Variants in PDE6C observed in about 807,000 individuals in gnomAD.
The protein encoded by PDE6C is phosphodiesterase 6C.
PDE6C carries 75 observed loss-of-function variants against 113.1 expected under a neutral mutation model. The observed-to-expected ratio is 0.66, with a 90% CI of 0.55 to 0.80. PDE6C has a LOEUF of 0.80. Among genes scored for constraint, PDE6C ranks in the 30% least tolerant of loss-of-function variants. The probability of loss-of-function intolerance (pLI) is 0.00; values close to 1 mark genes in which losing one functional copy is unlikely to be tolerated. For synonymous variants in PDE6C, 375 were observed against 363.7 expected (o/e 1.03, Z -0.35); for missense variants, 912 against 1,038.6 (o/e 0.88, Z 1.67).
rs2058671984 is a variant in PDE6C, at chr10:93,662,774, T to C, written c.2367+131T>C. On this transcript the variant is annotated intron_variant, in intron 20 of 21. Coordinates refer to ENST00000371447, the MANE Select transcript of PDE6C (RefSeq NM_006204.4). ...GGTATCACTGTTTCTCCAAAGCAGT[T>C]TGAGGTTTTACCCTAATCTCATTCA... 4.4e-6 allele frequency: 3 copies of C among 687,268 alleles called. No homozygotes were observed. In the Admixed American group the frequency reaches 6.8e-5, roughly 16 times the overall value. 42.6% of individuals were successfully genotyped at this position (687,268 alleles called of 1,614,324 possible).
intron 15 of PDE6C, among the ~76,000 whole-genome samples, chr10:93,654,396 T>C (rs1463731125): frequency 6.6e-6 from 1 of 152,214 alleles, no homozygotes; most frequent in East Asian, 1.9e-4. Context: ...TCTGCCACAT[T>C]CTAGCTGTTT....
At chr10:93,628,891 G>GA (rs1445843497) in intron 7 of PDE6C, among the ~76,000 whole-genome samples, 1 of 152,056 alleles carries the variant, frequency 6.6e-6, no homozygotes, top group African/African-American at 2.4e-5. Flanking sequence ...AGAAGAAGAA[G>GA]AAAAAAAGCA....
intron 8 of PDE6C, among the ~76,000 whole-genome samples, chr10:93,633,821 A>C (rs1345414416): frequency 6.6e-6 from 1 of 152,228 alleles, no homozygotes; most frequent in Non-Finnish European, 1.5e-5. Flanking sequence ...GTGTAAAGGG[A>C]ACAGTGAGGT....
At position 93,640,124 on chromosome 10, in the gene PDE6C, G is replaced by C; in HGVS notation, c.1537G>C (p.Asp513His). ...AGAACTGTACGAATTCCGCTTCAGT[G>C]ACTTCCCCCTTACAGAGCACGGATT... ...SAELYEFRFS[D>H]FPLTEHGLIK... Residue 513 changes from aspartate (D) to histidine (H), a missense_variant, in exon 12 of 22, where the codon GAC (aspartate) becomes CAC (histidine). By Grantham distance (81) the Asp-to-His change is moderately conservative. Coordinates refer to ENST00000371447, the MANE Select transcript of PDE6C (RefSeq NM_006204.4). The C allele has an allele frequency of 6.2e-7, 1 of 1,613,956 alleles. No individual in the cohort carries two copies. Among genetic ancestry groups the C allele is most frequent in the South Asian group, 1.1e-5 (1 of 91,080 alleles).
At chr10:93,641,740 G>C (rs1024269326) in intron 14 of PDE6C, among the ~76,000 whole-genome samples, 1 of 152,170 alleles carries the variant, frequency 6.6e-6, no homozygotes, top group Non-Finnish European at 1.5e-5. Context: ...TCAGGCTAGA[G>C]AATACTACCC....
chr10:93,646,562 C>T (rs552713362), intron 15 of PDE6C, among the ~76,000 whole-genome samples: 34 of 152,172 alleles, frequency 2.2e-4, no homozygotes, highest in South Asian at 1.2e-3. Flanking sequence ...ACAGGAAGCA[C>T]GGCAGCATCA....
Position 93,647,800 on chromosome 10 carries a change from C to T in PDE6C, c.1935+1753C>T, listed in dbSNP as rs138619099. Among the ~76,000 whole-genome samples the T allele has an allele frequency of 6.0e-3, 915 of 152,248 alleles. 12 individuals carry two copies. The highest frequency in any genetic ancestry group is 0.021 in the African/African-American group (871 of 41,544). On this transcript the variant is annotated intron_variant, in intron 15 of 21. Transcript: ENST00000371447. ...TTCTGATATGCAGACAGAATCTCTCCCTGCAGCAGAATTCACAGCATAGGT... is the reference window on the plus strand; with the variant it reads ...TTCTGATATGCAGACAGAATCTCTCTCTGCAGCAGAATTCACAGCATAGGT...
intron 15 of PDE6C, among the ~76,000 whole-genome samples, chr10:93,654,811 T>TTTCTTC (rs750357715): frequency 2.9e-5 from 2 of 68,212 alleles, no homozygotes; most frequent in Non-Finnish European, 7.2e-5. Flanking sequence ...TCTTTCTTTC[T>TTTCTTC]TTTTTTTTTT....
Position 93,659,097 on chromosome 10 carries a change from T to A in PDE6C, c.2145-7T>A. 6.2e-7 allele frequency: 1 copy of A among 1,609,764 alleles called. No individual in the cohort carries two copies. Among genetic ancestry groups the A allele is most frequent in the Non-Finnish European group, 8.5e-7 (1 of 1,177,870 alleles). ...TCTATTTTAAAATTTTTTGTTTTCTTCCTAAGGGCAATGATGATGACGGCA... is the reference window on the plus strand; with the variant it reads ...TCTATTTTAAAATTTTTTGTTTTCTACCTAAGGGCAATGATGATGACGGCA... On this transcript the variant is annotated splice_region_variant and splice_polypyrimidine_tract_variant and intron_variant, in intron 17 of 21. Coordinates refer to ENST00000371447, the MANE Select transcript of PDE6C (RefSeq NM_006204.4).
chr10:93,655,646 AAAAC>A (rs1327657622), intron 15 of PDE6C, 110 bp from the exon 16 acceptor site: 2 of 652,808 alleles, frequency 3.1e-6, no homozygotes, highest in East Asian at 2.7e-5. Flanking sequence ...AAACAAAAAA[AAAAC>A]AAACAAAAAA....
intron 1 of PDE6C, among the ~76,000 whole-genome samples, chr10:93,618,494 C>T (rs2058430688): frequency 6.6e-6 from 1 of 152,172 alleles, no homozygotes; most frequent in East Asian, 1.9e-4. Flanking sequence ...TGCCTTTATG[C>T]AATGCTGATG....
chr10:93,622,357 C>T (rs552843125), intron 4 of PDE6C, among the ~76,000 whole-genome samples: 4 of 151,630 alleles, frequency 2.6e-5, no homozygotes, highest in Non-Finnish European at 5.9e-5. Flanking sequence ...TTATAAAGTA[C>T]GGAGTTTCCT....
In PDE6C at chr10:93,636,365, GCTT is replaced by G. The variant is rs2058529746; in HGVS notation, c.1414-629_1414-627del. ...CATCTCTATTTCTTTTATTTCCCTG[GCTT>G]TGTGTGTGTGTGTGTGTGTGTGTGT... On this transcript the variant is annotated intron_variant, in intron 10 of 21. Transcript: ENST00000371447. Among the ~76,000 whole-genome samples, 9 of 23,434 alleles carry G rather than the reference GCTT, an allele frequency of 3.8e-4. No homozygotes were observed. The South Asian group carries it at 0.011, about 28-fold the overall frequency. 15.4% of individuals were successfully genotyped at this position (23,434 alleles called of 152,430 possible). A position where few individuals can be genotyped will look rare whatever the true frequency, so the allele number is the denominator to read the frequency against.
rs556892228 is a variant in PDE6C, at chr10:93,629,287, T to C, written c.1101T>C (p.Asp367=). 6 of 1,611,404 alleles carry C rather than the reference T, an allele frequency of 3.7e-6. No individual in the cohort carries two copies. The Admixed American group carries it at 1.0e-4, about 27-fold the overall frequency. The change falls in exon 8 of 22, where the codon GAT becomes GAC. Residue 367 remains aspartate, a synonymous_variant. Coordinates refer to ENST00000371447, the MANE Select transcript of PDE6C (RefSeq NM_006204.4). ...FICNMMNAPA[D]EYFTFQKGPV... ...GTAACATGATGAATGCCCCTGCGGA[T>C]GAATACTTCACATTTCAGGTAACTG...
intron 15 of PDE6C, among the ~76,000 whole-genome samples, chr10:93,647,923 AT>A (rs2058592179): frequency 6.6e-6 from 1 of 152,186 alleles, no homozygotes; most frequent in African/African-American, 2.4e-5. Flanking sequence ...ATAAGTCTTT[AT>A]TTTGCTGGTT....
chr10:93,613,393 T>A (rs1410064191), intron 1 of PDE6C, among the ~76,000 whole-genome samples, 188 bp downstream of exon 1: 1 of 152,216 alleles, frequency 6.6e-6, no homozygotes, highest in East Asian at 1.9e-4. Flanking sequence ...GTTGCCCAGT[T>A]GAACTTGAAT....
intron 19 of PDE6C, 100 bp from the exon 20 acceptor site, chr10:93,662,460 C>CAAAAAA (rs11364728): frequency 1.3e-4 from 41 of 320,764 alleles, no homozygotes; most frequent in Admixed American, 2.6e-4. Flanking sequence ...GACTCTGCCT[C>CAAAAAA]AAAAAAAAAA....
intron 1 of PDE6C, among the ~76,000 whole-genome samples, chr10:93,616,657 T>TC (rs1388431815): frequency 6.7e-6 from 1 of 148,972 alleles, no homozygotes; most frequent in Non-Finnish European, 1.5e-5. Context: ...GAAGACTTTT[T>TC]TTTTTTTTTT....
chr10:93,613,977 C>T (rs900855578), intron 1 of PDE6C, among the ~76,000 whole-genome samples: 4 of 152,178 alleles, frequency 2.6e-5, no homozygotes, highest in African/African-American at 9.7e-5. Context: ...CATTAGAGTA[C>T]ATGTTCATTT....
Sources: gnomAD v4.1 joint callset for allele counts (sites outside exome capture counted in the v4.1 genomes callset) on GRCh38, gnomAD v4.1.1 for gene constraint, MANE v1.5 for transcripts, NCBI Gene and HGNC (gene_info 2026-07-23, HGNC 2026-07-21) for gene names.